The following DHRS7B variants were observed in gnomAD, a reference collection of about 807,000 sequenced individuals.
The protein encoded by DHRS7B is dehydrogenase/reductase 7B, also known as peroxisomal reductase activating PPAR-gamma.
DHRS7B carries 24 observed loss-of-function variants against 26.4 expected under a neutral mutation model. The ratio of observed to expected loss-of-function variants is 0.91; its 90% CI spans 0.66 to 1.28. DHRS7B has a LOEUF of 1.28. Ranked by LOEUF, DHRS7B falls within the 50% of genes most tolerant of loss-of-function variation. The pLI, the probability that DHRS7B is intolerant of heterozygous loss-of-function variation, is 0.00. For missense variants in DHRS7B, 368 were observed against 419.4 expected (o/e 0.88, Z 1.07); for synonymous variants, 142 against 166.4 (o/e 0.85, Z 1.13).
At chr17:21,177,754 G>A (rs975086386) in intron 2 of DHRS7B, among the ~76,000 whole-genome samples, 1 of 152,188 alleles carries the variant, frequency 6.6e-6, no homozygotes, top group East Asian at 1.9e-4. Flanking sequence ...TCTGGGAAGG[G>A]CCTCGGTCCC....
At chr17:21,175,058 T>C (rs527579939) in intron 2 of DHRS7B, among the ~76,000 whole-genome samples, 6 of 152,310 alleles carry the variant, frequency 3.9e-5, no homozygotes, top group Admixed American at 1.3e-4. Flanking sequence ...GAAGATAGTG[T>C]GTCTAGATTG....
chr17:21,169,690 G>GT (rs1378938345), intron 1 of DHRS7B, among the ~76,000 whole-genome samples: 7 of 152,216 alleles, frequency 4.6e-5, no homozygotes, highest in Admixed American at 1.3e-4. Context: ...CATGACCTCG[G>GT]TGGCACTGTG....
intron 1 of DHRS7B, among the ~76,000 whole-genome samples, chr17:21,168,576 C>T (rs1974165457): frequency 6.6e-6 from 1 of 152,116 alleles, no homozygotes; most frequent in South Asian, 2.1e-4. Flanking sequence ...ACCATGTTGC[C>T]CGGGCTGGTC....
intron 1 of DHRS7B, among the ~76,000 whole-genome samples, chr17:21,162,716 A>G (rs888885464): frequency 9.8e-5 from 15 of 152,328 alleles, no homozygotes; most frequent in African/African-American, 3.4e-4. Context: ...GATGGTGCCC[A>G]AGCAGGACTT....
intron 1 of DHRS7B, among the ~76,000 whole-genome samples, chr17:21,137,284 TTCTTTTTTG>T (rs1973365716): frequency 2.0e-5 from 3 of 150,722 alleles, no homozygotes; most frequent in Admixed American, 2.0e-4. Context: ...CTGCCCATTT[TTCTTTTTTG>T]TCTTTTTTTT....
At chr17:21,139,959 G>C (rs1391855061) in intron 1 of DHRS7B, among the ~76,000 whole-genome samples, 1 of 149,850 alleles carries the variant, frequency 6.7e-6, no homozygotes, top group Non-Finnish European at 1.5e-5. Flanking sequence ...ATATAGGCAT[G>C]CCAATAGAAG....
intron 1 of DHRS7B, among the ~76,000 whole-genome samples, chr17:21,153,065 A>G (rs112003153): frequency 1.3e-5 from 2 of 152,232 alleles, no homozygotes. Flanking sequence ...CATCAGAACC[A>G]GAGTTTGATA....
chr17:21,156,294 G>A (rs569880507), intron 1 of DHRS7B, among the ~76,000 whole-genome samples: 1 of 152,238 alleles, frequency 6.6e-6, no homozygotes, highest in South Asian at 2.1e-4. Context: ...TCACCACAGA[G>A]CCCATGGACA....
At chr17:21,161,206 G>T (rs1382847780) in intron 1 of DHRS7B, among the ~76,000 whole-genome samples, 1 of 152,202 alleles carries the variant, frequency 6.6e-6, no homozygotes, top group East Asian at 1.9e-4. Flanking sequence ...TGCCCTCTGG[G>T]TAACAATGAT....
chr17:21,136,905 TTAA>T (rs1323371799), intron 1 of DHRS7B, among the ~76,000 whole-genome samples: 1 of 152,088 alleles, frequency 6.6e-6, no homozygotes, highest in East Asian at 1.9e-4. Flanking sequence ...AAACCAAAAC[TTAA>T]TAATAATATG....
intron 1 of DHRS7B, chr17:21,166,610 C>A: frequency 3.0e-6 from 1 of 336,016 alleles, no homozygotes; most frequent in Non-Finnish European, 4.2e-6. Context: ...AGATATATTT[C>A]AAGATATGGG....
In DHRS7B at chr17:21,184,480, C is replaced by G. The variant is rs753833880; in HGVS notation, c.619+17C>G. ...GATCAGCATGTGAGTACTTCTCTCT[C>G]CCACAAAATGCTTGGCTTTATTGTT... is the stretch of plus-strand genomic sequence containing the variant. On this transcript the variant is annotated intron_variant, in intron 5 of 6. Transcript: ENST00000395511. 1 of 1,602,482 alleles carries G rather than the reference C, an allele frequency of 6.2e-7. No individual in the cohort carries two copies. The highest frequency in any genetic ancestry group is 1.3e-5 in the African/African-American group (1 of 74,472).
chr17:21,138,357 G>A (rs2143897303), intron 1 of DHRS7B, among the ~76,000 whole-genome samples: 1 of 150,752 alleles, frequency 6.6e-6, no homozygotes, highest in East Asian at 2.0e-4. Flanking sequence ...CTGAGTAGCT[G>A]GGACTGCAGG....
intron 1 of DHRS7B, among the ~76,000 whole-genome samples, chr17:21,165,056 G>A (rs1974081274): frequency 6.6e-6 from 1 of 152,330 alleles, no homozygotes; most frequent in African/African-American, 2.4e-5. Context: ...TATTTACAAA[G>A]TGCTTTCCTA....
Position 21,126,982 on chromosome 17 carries a change from C to T in DHRS7B, c.11C>T (p.Pro4Leu), listed in dbSNP as rs1597726638. Reference sequence around the variant, plus strand: ...TGAAGTTGATTGACTATGGTCTCTCCGGCTACCAGGTAGGGGCTGGGGAAG... The same window carrying T: ...TGAAGTTGATTGACTATGGTCTCTCTGGCTACCAGGTAGGGGCTGGGGAAG... MVS[P>L]ATRKSLPKVK... The change falls in exon 1 of 7, where the codon CCG (proline) becomes CTG (leucine). Residue 4 changes from proline to leucine, a missense_variant. Coordinates refer to ENST00000395511, the MANE Select transcript of DHRS7B (RefSeq NM_015510.5). 1.3e-6 allele frequency: 2 copies of T among 1,534,198 alleles called. No homozygotes were observed. Among genetic ancestry groups the T allele is most frequent in the East Asian group, 2.6e-5 (1 of 38,442 alleles).
intron 1 of DHRS7B, chr17:21,168,756 C>T (rs1364586813): frequency 9.1e-6 from 9 of 985,466 alleles, no homozygotes; most frequent in Non-Finnish European, 1.1e-5. Flanking sequence ...CCACAGACAG[C>T]GGCCCGGGCC....
At chr17:21,173,241 C>T (rs1298363204) in intron 2 of DHRS7B, among the ~76,000 whole-genome samples, 1 of 152,266 alleles carries the variant, frequency 6.6e-6, no homozygotes, top group African/African-American at 2.4e-5. Flanking sequence ...TCAAACCAGC[C>T]TGGTGGCAAC....
At chr17:21,186,106 G>A (rs541229262) in intron 5 of DHRS7B, among the ~76,000 whole-genome samples, 1 of 152,354 alleles carries the variant, frequency 6.6e-6, no homozygotes, top group Admixed American at 6.5e-5. Context: ...TCCGTATTCA[G>A]TTTTATAATG....
intron 1 of DHRS7B, among the ~76,000 whole-genome samples, chr17:21,171,325 G>A (rs915208512): frequency 2.6e-5 from 4 of 152,216 alleles, no homozygotes; most frequent in Non-Finnish European, 4.4e-5. Context: ...CACTCATACA[G>A]CCTCCAGATT....
Sources: gnomAD v4.1 joint callset for allele counts (sites outside exome capture counted in the v4.1 genomes callset) on GRCh38, gnomAD v4.1.1 for gene constraint, MANE v1.5 for transcripts, NCBI Gene and HGNC (gene_info 2026-07-23, HGNC 2026-07-21) for gene names.